The following RAD54L variants were observed in gnomAD, a reference collection of about 807,000 sequenced individuals.
RAD54L encodes DNA repair and recombination protein RAD54-like.
In RAD54L, 74 loss-of-function variants were observed where a neutral mutation model predicts 91.6. The observed-to-expected ratio is 0.81, with a 90% CI of 0.67 to 0.98. RAD54L has a LOEUF of 0.98. Ranked by LOEUF, RAD54L falls within the 50% of genes least tolerant of loss-of-function variation. The pLI is 0.00. For synonymous variants in RAD54L, 304 were observed against 349.7 expected (o/e 0.87, Z 1.46); for missense variants, 887 against 945.7 (o/e 0.94, Z 0.81).
intron 3 of RAD54L, among the ~76,000 whole-genome samples, chr1:46,258,049 T>G (rs187078601): frequency 3.9e-5 from 6 of 152,166 alleles, no homozygotes; most frequent in African/African-American, 1.4e-4. Context: ...TTTAAATATA[T>G]ATTTTTAAAA....
At chr1:46,256,389 T>C (rs551361515) in intron 3 of RAD54L, among the ~76,000 whole-genome samples, 2 of 152,314 alleles carry the variant, frequency 1.3e-5, no homozygotes, top group Admixed American at 1.3e-4. Context: ...AGGGTCCTTT[T>C]TGTTAGCATT....
chr1:46,252,875 A>C (rs768365160), intron 3 of RAD54L, among the ~76,000 whole-genome samples: 1 of 152,242 alleles, frequency 6.6e-6, no homozygotes, highest in South Asian at 2.1e-4. Flanking sequence ...GTTTGAGACC[A>C]ACTTGAACAA....
chr1:46,265,420 C>T lies in RAD54L; in HGVS notation c.892-2039C>T, dbSNP rs957203965. 2.0e-5 allele frequency among the ~76,000 whole-genome samples: 3 copies of T among 152,042 alleles called. No homozygotes were observed. The highest frequency in any genetic ancestry group is 4.4e-5 in the Non-Finnish European group (3 of 67,998). On this transcript the variant is annotated intron_variant, in intron 8 of 17. Transcript: ENST00000371975. The surrounding 1 kb of genome is among the most constrained non-coding windows in gnomAD (Gnocchi z 4.8). ...ATTGCTTGAACTGGGGAGGCAGGCA[C>T]ATGCCACCACACCCAGCTAATTTTT...
chr1:46,261,790 T>A (rs1451619326), intron 8 of RAD54L, among the ~76,000 whole-genome samples: 1 of 152,132 alleles, frequency 6.6e-6, no homozygotes, highest in Non-Finnish European at 1.5e-5. Flanking sequence ...CAAAGTAGGA[T>A]CTGTAGCCTG....
intron 2 of RAD54L, among the ~76,000 whole-genome samples, chr1:46,249,470 G>C (rs1447934525): frequency 3.3e-5 from 5 of 152,138 alleles, no homozygotes; most frequent in African/African-American, 4.8e-5. Flanking sequence ...CATGTACATG[G>C]GTCTCAGACT....
Position 46,260,055 on chromosome 1 carries a change from T to A in RAD54L, c.363T>A (p.Tyr121Ter), listed in dbSNP as rs1660064165. 6.2e-7 allele frequency: 1 copy of A among 1,614,100 alleles called. No homozygotes were observed. The highest frequency in any genetic ancestry group is 1.3e-5 in the African/African-American group (1 of 74,918). ...TGGAAAAAGATGCCTTGGTTCTGTA[T>A]GAGCCTCCCCCGCTGAGCGCTCATG... Reference protein sequence around the residue: ...DPLEKDALVLYEPPPLSAHDQ... With the variant: ...DPLEKDALVL The change falls in exon 5 of 18, where the codon TAT (tyrosine) becomes TAA (stop). Residue 121 changes from tyrosine to a stop codon, truncating the protein, a stop_gained. Transcript: ENST00000371975. LOFTEE classifies it high-confidence loss of function.
At chr1:46,255,055 T>G (rs1052904511) in intron 3 of RAD54L, among the ~76,000 whole-genome samples, 9 of 152,230 alleles carry the variant, frequency 5.9e-5, no homozygotes, top group Middle Eastern at 3.4e-3. Flanking sequence ...ACATGTCCAT[T>G]GGAATTAGGG....
intron 11 of RAD54L, 39 bp downstream of exon 11, chr1:46,272,579 C>T (rs757858352): frequency 1.9e-6 from 3 of 1,610,294 alleles, no homozygotes; most frequent in Non-Finnish European, 2.5e-6. Flanking sequence ...TGGGTCAAAG[C>T]CTAGCTCCTG....
At position 46,247,830 on chromosome 1, in the gene RAD54L, C is replaced by T. The variant is rs1300181768; in HGVS notation, c.-576C>T. Reference sequence around the variant, plus strand: ...CTGGGGTCTGCGTCTATCTCTGTCGCTCTTTTCAGCCCCTCCTGGTATTCC... The same window carrying T: ...CTGGGGTCTGCGTCTATCTCTGTCGTTCTTTTCAGCCCCTCCTGGTATTCC... On this transcript the variant is annotated 5_prime_UTR_variant, in exon 1 of 18. Transcript: ENST00000371975. The T allele has an allele frequency of 5.0e-6, 1 of 200,386 alleles. No homozygotes were observed. Among genetic ancestry groups the T allele is most frequent in the Non-Finnish European group, 1.0e-5 (1 of 96,066 alleles). The allele number at this position is 200,386 out of a possible 1,614,324, so 12.4% of individuals were successfully genotyped here.
rs1035392063 is a variant in RAD54L at position 46,273,886 on chromosome 1, T to C, written c.1610+139T>C. ...GAGATATCTTCCCTTATTGCTATGA[T>C]GGCCTCAGCTCTATCTCCAAGTAGA... On this transcript the variant is annotated intron_variant, in intron 14 of 17. Coordinates refer to ENST00000371975, the MANE Select transcript of RAD54L (RefSeq NM_003579.4). The C allele has an allele frequency of 4.6e-6, 6 of 1,290,428 alleles. No individual in the cohort carries two copies. The African/African-American group carries it at 8.9e-5, about 19-fold the overall frequency. The allele number at this position is 1,290,428 out of a possible 1,614,324, so 79.9% of individuals were successfully genotyped here.
At position 46,250,060 on chromosome 1, in the gene RAD54L, T is replaced by G; in HGVS notation, c.151T>G (p.Phe51Val). 1 of 1,614,152 alleles carries G rather than the reference T, an allele frequency of 6.2e-7. No individual in the cohort carries two copies. Among genetic ancestry groups the G allele is most frequent in the Non-Finnish European group, 8.5e-7 (1 of 1,180,000 alleles). ...TQIQECFLSP[F>V]RKPLSQLTNQ... The stretch of plus-strand genomic sequence containing the variant: ...GATCCAGGAGTGTTTCCTGTCTCCT[T>G]TTCGGAAACCTTTGAGTCAGCTAAC... The change falls in exon 3 of 18, where the codon TTT becomes GTT. Residue 51 changes from phenylalanine to valine, a missense_variant. By Grantham distance (50) the Phe-to-Val change is conservative. Transcript: ENST00000371975.
Position 46,247,897 on chromosome 1 carries a change from C to G in RAD54L, c.-509C>G, listed in dbSNP as rs533797185. ...TTTTACACGCCCGCGTGGCTTCCTG[C>G]TCGACCTCCCTGAGTCTGATCCTGG... On this transcript the variant is annotated 5_prime_UTR_variant, in exon 1 of 18. Transcript: ENST00000371975. 59 of 231,626 alleles carry G rather than the reference C, an allele frequency of 2.5e-4. No homozygotes were observed. In the South Asian group the frequency reaches 3.3e-3, roughly 13 times the overall value. 14.3% of individuals were successfully genotyped at this position (231,626 alleles called of 1,614,324 possible).
Position 46,254,603 on chromosome 1 carries a change from T to C in RAD54L, c.211-4083T>C, listed in dbSNP as rs575799343. ...ACTGACTTTTTTTTTTTTTTTTTTTTCCTGAGACAGGGTCTTGCTGTGTCA... is the reference window on the plus strand; with the variant it reads ...ACTGACTTTTTTTTTTTTTTTTTTTCCCTGAGACAGGGTCTTGCTGTGTCA... On this transcript the variant is annotated intron_variant, in intron 3 of 17. Coordinates refer to ENST00000371975, the MANE Select transcript of RAD54L (RefSeq NM_003579.4). 0.011 allele frequency among the ~76,000 whole-genome samples: 1,648 copies of C among 150,724 alleles called. 61 individuals carry two copies. In the East Asian group the frequency reaches 0.14, roughly 13 times the overall value.
intron 15 of RAD54L, 25 bp downstream of exon 15, chr1:46,274,241 A>G (rs764102439): frequency 1.3e-6 from 2 of 1,577,566 alleles, no homozygotes; most frequent in Admixed American, 1.7e-5. Flanking sequence ...CCGTCCCCAC[A>G]CCACCAATGC....
chr1:46,278,065 T>A lies in RAD54L; in HGVS notation c.2034-7T>A. 1 of 1,614,110 alleles carries A rather than the reference T, an allele frequency of 6.2e-7. No homozygotes were observed. On this transcript the variant is annotated splice_polypyrimidine_tract_variant and splice_region_variant and intron_variant, in intron 17 of 17. Coordinates refer to ENST00000371975, the MANE Select transcript of RAD54L (RefSeq NM_003579.4). ...GTAGTGACTTCAGCTGTGCCTTCTGTCCCTAGGTTGCACTGCCGACGTTGT... is the reference window on the plus strand; with the variant it reads ...GTAGTGACTTCAGCTGTGCCTTCTGACCCTAGGTTGCACTGCCGACGTTGT...
At chr1:46,259,455 G>A (rs1034693653) in intron 4 of RAD54L, among the ~76,000 whole-genome samples, 1 of 152,054 alleles carries the variant, frequency 6.6e-6, no homozygotes, top group Admixed American at 6.5e-5. Context: ...GAAATAAAAC[G>A]GGAAAAGCTC....
chr1:46,249,998 A>C lies in RAD54L; in HGVS notation c.91-2A>C, dbSNP rs766067648. 3.1e-6 allele frequency: 5 copies of C among 1,613,834 alleles called. No homozygotes were observed. The highest frequency in any genetic ancestry group is 8.5e-7 in the Non-Finnish European group (1 of 1,179,762). Reference sequence around the variant, plus strand: ...TTCACCTTTCCCAATTCTCTCTCCTAGACTCCTAGGAAACGGAAATCCAGC... The same window carrying C: ...TTCACCTTTCCCAATTCTCTCTCCTCGACTCCTAGGAAACGGAAATCCAGC... On this transcript the variant is annotated splice_acceptor_variant, in intron 2 of 17. Coordinates refer to ENST00000371975, the MANE Select transcript of RAD54L (RefSeq NM_003579.4). LOFTEE classifies it high-confidence loss of function.
At chr1:46,253,720 C>CTTTTTTTTTTTTTTTTTTTT (rs3063981) in intron 3 of RAD54L, among the ~76,000 whole-genome samples, 2 of 83,598 alleles carry the variant, frequency 2.4e-5, no homozygotes, top group Non-Finnish European at 2.2e-5. Context: ...CTTAGGTACT[C>CTTTTTTTTTTTTTTTTTTTT]TTTTTTTTTT....
rs886730265 is a variant in RAD54L, at chr1:46,269,981, T to A, written c.1043-678T>A. Among the ~76,000 whole-genome samples, 6 of 152,072 alleles carry A rather than the reference T, an allele frequency of 3.9e-5. No individual in the cohort carries two copies. In the South Asian group the frequency reaches 1.0e-3, roughly 26 times the overall value. ...TTAGCTGAGTGTGGTGGCATGTGCC[T>A]GTAGTCCCAGCTACTTGGGAGGTTG... is the stretch of plus-strand genomic sequence containing the variant. On this transcript the variant is annotated intron_variant, in intron 9 of 17. Transcript: ENST00000371975.
Sources: gnomAD v4.1 joint callset for allele counts (sites outside exome capture counted in the v4.1 genomes callset) on GRCh38, gnomAD v4.1.1 for gene constraint, Gnocchi (gnomAD v3.1) non-coding constraint, MANE v1.5 for transcripts, NCBI Gene and HGNC (gene_info 2026-07-23, HGNC 2026-07-21) for gene names.